The following WDR27 variants were observed in gnomAD, a reference collection of about 807,000 sequenced individuals.
WDR27 encodes WD repeat-containing protein 27.
Under a neutral mutation model 114.4 loss-of-function variants are expected in WDR27, and 100 were observed. That is an observed-to-expected ratio of 0.87 (90% CI 0.74 to 1.03). The LOEUF (loss-of-function observed/expected upper bound fraction) is 1.03, where lower values mean the gene tolerates loss of function less well. Ranked by LOEUF, WDR27 falls within the 50% of genes least tolerant of loss-of-function variation. WDR27 has a pLI of 0.00. For missense variants in WDR27, 1,129 were observed against 1,092.9 expected, an observed-to-expected ratio of 1.03 and a Z score of -0.47; for synonymous variants, 449 against 423.1, an observed-to-expected ratio of 1.06 and a Z score of -0.75.
rs537233272 is a variant in WDR27 at position 169,562,773 on chromosome 6, A to G, written c.2645+9646T>C. On this transcript the variant is annotated intron_variant, in intron 25 of 25. Transcript: ENST00000448612. ...ATAGAAACTGGTTAAAAAAGAAAAA[A>G]TCTGTACAATCTGCAGAAGTGAAAT... 5.9e-5 allele frequency among the ~76,000 whole-genome samples: 9 copies of G among 152,262 alleles called. No individual in the cohort carries two copies. The East Asian group carries it at 1.2e-3, about 20-fold the overall frequency.
At chr6:169,472,395 AC>A (rs1471919062) in intron 25 of WDR27, among the ~76,000 whole-genome samples, 33 of 152,190 alleles carry the variant, frequency 2.2e-4, no homozygotes, top group African/African-American at 6.3e-4. Context: ...TGCAGTGATT[AC>A]AAACACAGGC....
intron 2 of WDR27, among the ~76,000 whole-genome samples, chr6:169,679,745 AC>A (rs1241873070): frequency 2.0e-5 from 3 of 152,200 alleles, no homozygotes; most frequent in Non-Finnish European, 4.4e-5. Flanking sequence ...AGTCTGCAGA[AC>A]CATGAGCCAA....
At chr6:169,696,346 G>C (rs1785963369) in intron 1 of WDR27, among the ~76,000 whole-genome samples, 1 of 152,150 alleles carries the variant, frequency 6.6e-6, no homozygotes, top group African/African-American at 2.4e-5. Flanking sequence ...AAGAAGTTAA[G>C]GTATGGGCAG....
chr6:169,581,540 T>G (rs1481729300), intron 24 of WDR27, among the ~76,000 whole-genome samples: 2 of 151,958 alleles, frequency 1.3e-5, no homozygotes, highest in Non-Finnish European at 2.9e-5. Flanking sequence ...ATGGAAAGAG[T>G]GAAGCATCAT....
intron 25 of WDR27, among the ~76,000 whole-genome samples, chr6:169,545,594 C>T (rs147891050): frequency 5.1e-4 from 78 of 152,242 alleles, no homozygotes; most frequent in African/African-American, 1.7e-3. Context: ...CAGAGGATCA[C>T]TTGAGTCTGG....
chr6:169,626,659 C>T (rs757940964), intron 21 of WDR27, among the ~76,000 whole-genome samples: 25 of 152,174 alleles, frequency 1.6e-4, no homozygotes, highest in African/African-American at 2.7e-4. Flanking sequence ...CACATGAGTC[C>T]GCACCGTGCA....
At chr6:169,640,186 C>G (rs1319704632) in intron 17 of WDR27, among the ~76,000 whole-genome samples, 1 of 152,192 alleles carries the variant, frequency 6.6e-6, no homozygotes, top group Non-Finnish European at 1.5e-5. Flanking sequence ...GAGAAAATTC[C>G]TGCCATAGCC....
intron 1 of WDR27, among the ~76,000 whole-genome samples, chr6:169,689,647 TC>T (rs1301417086): frequency 5.3e-5 from 8 of 152,246 alleles, no homozygotes; most frequent in Non-Finnish European, 1.0e-4. Flanking sequence ...CAGATCTTCA[TC>T]CAACTTTACA....
chr6:169,543,313 G>A (rs1033058893), intron 25 of WDR27, among the ~76,000 whole-genome samples: 1 of 152,054 alleles, frequency 6.6e-6, no homozygotes, highest in African/African-American at 2.4e-5. Context: ...ATACCAAAGT[G>A]AGTACAAGGA....
intron 23 of WDR27, among the ~76,000 whole-genome samples, chr6:169,590,296 G>A (rs1452288719): frequency 2.0e-5 from 3 of 152,200 alleles, no homozygotes; most frequent in Non-Finnish European, 4.4e-5. Context: ...CCTGAAACTT[G>A]ACAATGGTAG....
At chr6:169,496,131 T>C (rs1056536602) in intron 25 of WDR27, among the ~76,000 whole-genome samples, 8 of 152,050 alleles carry the variant, frequency 5.3e-5, no homozygotes, top group African/African-American at 1.7e-4. Flanking sequence ...TCAATTAACA[T>C]AGTATACCAC....
At chr6:169,618,166 A>G (rs1266017086) in intron 21 of WDR27, among the ~76,000 whole-genome samples, 4 of 152,224 alleles carry the variant, frequency 2.6e-5, no homozygotes, top group Admixed American at 2.0e-4. Flanking sequence ...AAACTAATAA[A>G]GCAAAATAAC....
chr6:169,582,670 C>T (rs1803701374), intron 24 of WDR27, among the ~76,000 whole-genome samples, 166 bp downstream of exon 24: 3 of 152,178 alleles, frequency 2.0e-5, no homozygotes, highest in Admixed American at 1.3e-4. Flanking sequence ...TTCTCTCTCT[C>T]TCGCCAATAA....
intron 17 of WDR27, among the ~76,000 whole-genome samples, chr6:169,643,468 G>A (rs184023599): frequency 6.6e-6 from 1 of 152,258 alleles, no homozygotes; most frequent in Admixed American, 6.5e-5. Context: ...AATGGCTCTT[G>A]GCCTCCAGGG....
intron 25 of WDR27, among the ~76,000 whole-genome samples, chr6:169,520,780 C>G (rs912565666): frequency 1.1e-4 from 16 of 151,490 alleles, no homozygotes; most frequent in African/African-American, 3.4e-4. Flanking sequence ...TAGAATGGAT[C>G]AAGCAGAGGA....
chr6:169,509,990 C>T (rs563888369), intron 25 of WDR27, among the ~76,000 whole-genome samples: 1 of 152,304 alleles, frequency 6.6e-6, no homozygotes, highest in East Asian at 1.9e-4. Context: ...AGATACTTTT[C>T]AAAAGAAGAC....
intron 5 of WDR27, 92 bp from the exon 6 acceptor site, chr6:169,667,279 G>A: frequency 7.7e-7 from 1 of 1,306,334 alleles, no homozygotes; most frequent in Non-Finnish European, 9.8e-7. Flanking sequence ...TATCAGATTA[G>A]TCAACACAAA....
chr6:169,647,574 T>C, intron 16 of WDR27, 199 bp downstream of exon 16: 1 of 650,022 alleles, frequency 1.5e-6, no homozygotes, highest in African/African-American at 1.8e-5. Flanking sequence ...GTGAGATGCC[T>C]GGAGATCACC....
chr6:169,596,079 T>C (rs1040331125), intron 23 of WDR27, among the ~76,000 whole-genome samples: 10 of 152,240 alleles, frequency 6.6e-5, no homozygotes, highest in Admixed American at 2.6e-4. Flanking sequence ...ATAGATTTGT[T>C]AAGCTATATT....
Sources: gnomAD v4.1 joint callset for allele counts (sites outside exome capture counted in the v4.1 genomes callset) on GRCh38, gnomAD v4.1.1 for gene constraint, MANE v1.5 for transcripts, NCBI Gene and HGNC (gene_info 2026-07-23, HGNC 2026-07-21) for gene names.